Variants in USH2A observed in about 807,000 individuals in gnomAD.
USH2A encodes the protein usherin.
In USH2A, 443 loss-of-function variants were observed where a neutral mutation model predicts 538.9. The ratio of observed to expected loss-of-function variants is 0.82; its 90% confidence interval spans 0.76 to 0.89. The LOEUF (loss-of-function observed/expected upper bound fraction) is 0.89. Ranked by LOEUF, USH2A falls within the 40% of genes least tolerant of loss-of-function variation. The probability of loss-of-function intolerance (pLI) is 0.00; values close to 1 mark genes in which losing one functional copy is unlikely to be tolerated. For synonymous variants in USH2A, 2,413 were observed against 2,273.5 expected, an observed-to-expected ratio of 1.06 and a Z score of -1.75; for missense variants, 6,633 against 6,324.8, an observed-to-expected ratio of 1.05 and a Z score of -1.65.
rs190312070 is a variant in USH2A, at chr1:215,667,939, G to A, written c.14133+3033C>T. Among the ~76,000 whole-genome samples the A allele has an allele frequency of 1.7e-4, 26 of 152,238 alleles. 1 individual carries two copies. In the East Asian group the frequency reaches 4.1e-3, roughly 24 times the overall value. ...ATGTAATGTAGTGTAGGAAGGTGGT[G>A]GGGAGCCCCAGCTGATACTTGCAAG... On this transcript the variant is annotated intron_variant, in intron 64 of 71. Coordinates refer to ENST00000307340, the MANE Select transcript of USH2A (RefSeq NM_206933.4).
chr1:215,732,021 TA>T (rs1433202499), intron 60 of USH2A, among the ~76,000 whole-genome samples: 1 of 152,164 alleles, frequency 6.6e-6, no homozygotes, highest in Non-Finnish European at 1.5e-5. Context: ...AAAATTCTTA[TA>T]AAAATTAAAA....
intron 61 of USH2A, among the ~76,000 whole-genome samples, chr1:215,684,534 T>G (rs2797239): frequency 6.6e-6 from 1 of 151,994 alleles, no homozygotes; most frequent in Admixed American, 6.6e-5. Flanking sequence ...TTCCCTCTGG[T>G]CTTTGGGGTG....
At chr1:215,765,597 C>T (rs928190199) in intron 56 of USH2A, among the ~76,000 whole-genome samples, 3 of 152,176 alleles carry the variant, frequency 2.0e-5, no homozygotes, top group Non-Finnish European at 4.4e-5. Flanking sequence ...ATCACTAACA[C>T]ATGCCACTGA....
Position 215,993,160 on chromosome 1 carries a change from G to A in USH2A, c.6665C>T (p.Thr2222Ile), listed in dbSNP as rs779570839. The A allele has an allele frequency of 1.9e-6, 3 of 1,614,000 alleles. No individual in the cohort carries two copies. The highest frequency in any genetic ancestry group is 2.2e-5 in the South Asian group (2 of 91,080). ...CTCACTCACTGTGCACCCACCACCT[G>A]TGCAAGCCTAAACAGAGATGCAAAA... ...NKYLIKLGACTGGGCTVSEAS... is the reference protein window; with the variant it reads ...NKYLIKLGACIGGGCTVSEAS... The change falls in exon 35 of 72, where the codon ACA becomes ATA. Residue 2222 changes from threonine to isoleucine, a missense_variant. Thr to Ile is a moderately conservative substitution (Grantham distance 89). Transcript: ENST00000307340.
rs1314783581 is a variant in USH2A at position 215,674,790 on chromosome 1, A to T, written c.13121T>A (p.Val4374Glu). The change falls in exon 63 of 72, where the codon GTA becomes GAA. Residue 4374 changes from valine to glutamate, a missense_variant. Val to Glu is a moderately radical substitution (Grantham distance 121, BLOSUM62 -2). Coordinates refer to ENST00000307340, the MANE Select transcript of USH2A (RefSeq NM_206933.4). ...LWAVSATQMN[V>E]CWSPPTVQNG... ...TTGCACTGTGGGCGGTGACCAACATACATTCATTTGAGTGGCACTGACGGC... is the reference window on the plus strand; with the variant it reads ...TTGCACTGTGGGCGGTGACCAACATTCATTCATTTGAGTGGCACTGACGGC... The T allele has an allele frequency of 6.2e-7, 1 of 1,614,194 alleles. No individual in the cohort carries two copies. Among genetic ancestry groups the T allele is most frequent in the East Asian group, 2.2e-5 (1 of 44,866 alleles).
At chr1:216,040,197 G>T (rs2030213785) in intron 32 of USH2A, among the ~76,000 whole-genome samples, 1 of 151,918 alleles carries the variant, frequency 6.6e-6, no homozygotes. Flanking sequence ...TATGGTTCTA[G>T]ATATCAGTCA....
chr1:215,722,334 G>C (rs149386601), intron 61 of USH2A, among the ~76,000 whole-genome samples: 1 of 152,104 alleles, frequency 6.6e-6, no homozygotes, highest in Admixed American at 6.5e-5. Flanking sequence ...TAATAAATGT[G>C]TCTGGGGAGA....
intron 49 of USH2A, among the ~76,000 whole-genome samples, chr1:215,807,293 G>A (rs1468643408): frequency 2.0e-5 from 3 of 152,084 alleles, no homozygotes; most frequent in Non-Finnish European, 4.4e-5. Context: ...TTTGATATTT[G>A]GATGTATAAA....
At chr1:216,242,235 C>T (rs535271970) in intron 13 of USH2A, among the ~76,000 whole-genome samples, 1 of 151,128 alleles carries the variant, frequency 6.6e-6, no homozygotes, top group Non-Finnish European at 1.5e-5. Context: ...GTAGTCCCAG[C>T]TGCTCGGGAG....
chr1:215,779,723 A>C (rs536167154), intron 55 of USH2A, 120 bp downstream of exon 55: 1 of 1,228,762 alleles, frequency 8.1e-7, no homozygotes, highest in East Asian at 2.5e-5. Flanking sequence ...CCATATGTCA[A>C]GAGAACACGT....
intron 47 of USH2A, among the ~76,000 whole-genome samples, chr1:215,819,835 A>C (rs753014136): frequency 1.3e-5 from 2 of 151,816 alleles, no homozygotes; most frequent in Non-Finnish European, 3.0e-5. Flanking sequence ...ACGAAGGAAA[A>C]TGATTAAGAA....
chr1:215,772,949 C>T (rs1185795957), intron 55 of USH2A, among the ~76,000 whole-genome samples: 1 of 152,176 alleles, frequency 6.6e-6, no homozygotes, highest in Non-Finnish European at 1.5e-5. Context: ...GCGGGTAAGT[C>T]ATCTGTCCTG....
chr1:216,340,962 C>A (rs2038065778), intron 4 of USH2A, among the ~76,000 whole-genome samples: 1 of 152,076 alleles, frequency 6.6e-6, no homozygotes, highest in East Asian at 1.9e-4. Flanking sequence ...TTTCATCATT[C>A]CTATTCAAGA....
chr1:215,729,290 G>T (rs991700365), intron 60 of USH2A, among the ~76,000 whole-genome samples: 1 of 152,028 alleles, frequency 6.6e-6, no homozygotes, highest in African/African-American at 2.4e-5. Flanking sequence ...ATTGTTCCCA[G>T]GATGTTTACA....
intron 37 of USH2A, among the ~76,000 whole-genome samples, chr1:215,951,853 A>AT (rs1553280037): frequency 6.7e-6 from 1 of 149,566 alleles, no homozygotes; most frequent in Non-Finnish European, 1.5e-5. Context: ...TATTTTTTTT[A>AT]TTTTTTATTT....
chr1:215,663,437 G>A (rs1181577441), intron 64 of USH2A, among the ~76,000 whole-genome samples: 1 of 152,190 alleles, frequency 6.6e-6, no homozygotes. Flanking sequence ...TTGGAAAACA[G>A]GAAGGGTGTG....
chr1:215,628,784 C>T (rs773430315), intron 71 of USH2A, 30 bp downstream of exon 71: 2 of 1,610,628 alleles, frequency 1.2e-6, no homozygotes, highest in Non-Finnish European at 1.7e-6. Context: ...GGATATTTAG[C>T]AAAGGCCCTG....
intron 61 of USH2A, among the ~76,000 whole-genome samples, chr1:215,688,255 G>A (rs183691298): frequency 2.0e-5 from 3 of 152,210 alleles, no homozygotes; most frequent in Admixed American, 6.5e-5. Flanking sequence ...TTGACAGAAA[G>A]GAGCTAGTGC....
At chr1:216,414,185 A>AT (rs1010296523) in intron 3 of USH2A, among the ~76,000 whole-genome samples, 3 of 152,178 alleles carry the variant, frequency 2.0e-5, no homozygotes, top group African/African-American at 4.8e-5. Flanking sequence ...CTATGAATTG[A>AT]TTTTTTCTAG....
Sources: allele counts gnomAD v4.1 joint callset (sites outside exome capture counted in the v4.1 genomes callset), GRCh38; gene constraint gnomAD v4.1.1; transcripts MANE v1.5; gene names NCBI Gene and HGNC (gene_info 2026-07-23, HGNC 2026-07-21).